Variants in NAV1 observed in about 807,000 individuals in gnomAD.
NAV1 encodes pore membrane and/or filament interacting like protein 3.
Under a neutral mutation model 175.2 loss-of-function variants are expected in NAV1, and 18 were observed. That is an observed-to-expected ratio of 0.10 (90% CI 0.07 to 0.15). The LOEUF (loss-of-function observed/expected upper bound fraction) is 0.15, where lower values mean the gene tolerates loss of function less well. Ranked by LOEUF, NAV1 falls within the 10% of genes least tolerant of loss-of-function variation. The pLI, the probability that NAV1 is intolerant of heterozygous loss-of-function variation, is 1.00. For synonymous variants in NAV1, 897 were observed against 978.7 expected, an observed-to-expected ratio of 0.92 and a Z score of 1.56; for missense variants, 1,731 against 2,436.6, an observed-to-expected ratio of 0.71 and a Z score of 6.10.
At chr1:201,780,976 G>A (rs1335772835) in intron 4 of NAV1, 36 bp from the exon 9 acceptor site, 1 of 1,559,326 alleles carries the variant, frequency 6.4e-7, no homozygotes, top group Admixed American at 1.9e-5. Context: ...CATCTGCATA[G>A]AAGTATCTCA....
intron 3 of NAV1, among the ~76,000 whole-genome samples, chr1:201,777,285 G>T (rs1676017005): frequency 1.3e-5 from 2 of 152,174 alleles, no homozygotes; most frequent in Non-Finnish European, 2.9e-5. Flanking sequence ...CAACTATTCA[G>T]CAGATCCAGA....
intron 2 of NAV1, among the ~76,000 whole-genome samples, chr1:201,604,178 C>A (rs550349508): frequency 6.6e-6 from 1 of 152,302 alleles, no homozygotes; most frequent in African/African-American, 2.4e-5. Flanking sequence ...CCTCAGCCTC[C>A]CGAGTAGCTG....
At chr1:201,769,225 T>C (rs1015144) in intron 3 of NAV1, among the ~76,000 whole-genome samples, 35,978 of 152,106 alleles carry the variant, frequency 0.24, 5,353 homozygotes, top group Non-Finnish European at 0.34. Context: ...AAAATGTTCT[T>C]TTTATTTTGA....
chr1:201,562,190 T>G (rs1269152420), intron 1 of NAV1, among the ~76,000 whole-genome samples: 1 of 149,142 alleles, frequency 6.7e-6, no homozygotes. Flanking sequence ...TTTTTTTTTG[T>G]AGAGACAGCT....
chr1:201,769,188 G>A (rs1056725946), intron 3 of NAV1, among the ~76,000 whole-genome samples: 1 of 152,194 alleles, frequency 6.6e-6, no homozygotes, highest in Non-Finnish European at 1.5e-5. Context: ...TCTAATGACA[G>A]CCTTATCTAA....
chr1:201,818,755 A>T (rs1317207514), intron 29 of NAV1, among the ~76,000 whole-genome samples: 1 of 152,246 alleles, frequency 6.6e-6, no homozygotes, highest in Non-Finnish European at 1.5e-5. Flanking sequence ...AATTTGGCAG[A>T]TTATATTAAA....
intron 2 of NAV1, among the ~76,000 whole-genome samples, chr1:201,608,193 C>T (rs750477782): frequency 4.6e-4 from 70 of 152,220 alleles, no homozygotes; most frequent in Middle Eastern, 3.4e-3. Context: ...GATGAAACAA[C>T]GAAAGCTTAG....
At chr1:201,543,099 A>G (rs963314797) in intron 1 of NAV1, among the ~76,000 whole-genome samples, 1 of 152,180 alleles carries the variant, frequency 6.6e-6, no homozygotes, top group Non-Finnish European at 1.5e-5. Flanking sequence ...CTTTCTTTCC[A>G]ATTTGAATGA....
intron 7 of NAV1, among the ~76,000 whole-genome samples, chr1:201,784,507 CCCTATATGCCAAGGTTATCAAACTA>C (rs1426696424): frequency 3.9e-5 from 6 of 152,046 alleles, no homozygotes; most frequent in Non-Finnish European, 8.8e-5. Context: ...CCTCCCTTCC[CCCTATATGCCAAGGTTATCAAACTA>C]CCTATATGGT....
intron 6 of NAV1, among the ~76,000 whole-genome samples, chr1:201,783,113 C>A (rs1676442442): frequency 6.6e-6 from 1 of 152,188 alleles, no homozygotes; most frequent in Admixed American, 6.5e-5. Context: ...TCAATGCTTA[C>A]CCTGTCTTCA....
chr1:201,619,313 C>T (rs1668090433), upstream of NAV1, among the ~76,000 whole-genome samples: 1 of 152,302 alleles, frequency 6.6e-6, no homozygotes, highest in African/African-American at 2.4e-5. Flanking sequence ...AGTCAAGGGG[C>T]TGGGAGCCCA....
chr1:201,816,606 CT>C (rs761715339), intron 28 of NAV1, among the ~76,000 whole-genome samples: 18 of 150,650 alleles, frequency 1.2e-4, no homozygotes, highest in Non-Finnish European at 2.1e-4. Flanking sequence ...AACTTATTTC[CT>C]TGTTTGGAAA....
intron 2 of NAV1, among the ~76,000 whole-genome samples, chr1:201,613,983 A>G (rs1278753617): frequency 6.6e-6 from 1 of 151,132 alleles, no homozygotes; most frequent in African/African-American, 2.4e-5. Flanking sequence ...CAGGACCACA[A>G]AGCAGGAAGC....
At chr1:201,648,929 G>A (rs1323073255) in exon 1 of NAV1, 3 of 1,612,912 alleles carry the variant, frequency 1.9e-6, no homozygotes, top group Middle Eastern at 1.6e-4. Context: ...ACCTGCGCAA[G>A]CAGAAGTCAC....
intron 1 of NAV1, among the ~76,000 whole-genome samples, chr1:201,578,391 G>A (rs1666753333): frequency 6.6e-6 from 1 of 152,316 alleles, no homozygotes; most frequent in African/African-American, 2.4e-5. Flanking sequence ...AGGGGTAGGA[G>A]TTCCAGCTCC....
intron 2 of NAV1, 66 bp downstream of exon 6, chr1:201,712,985 G>T: frequency 3.9e-6 from 5 of 1,298,378 alleles, no homozygotes; most frequent in Admixed American, 3.4e-5. Context: ...ATTCTGGAGG[G>T]CAGGGCCCCC....
intron 1 of NAV1, among the ~76,000 whole-genome samples, chr1:201,551,212 G>T (rs1242270561): frequency 6.6e-6 from 1 of 152,148 alleles, no homozygotes; most frequent in Non-Finnish European, 1.5e-5. Context: ...TAGCAGAAGG[G>T]GCCAGTGGAC....
At chr1:201,608,100 G>T (rs1314325562) in intron 2 of NAV1, among the ~76,000 whole-genome samples, 1 of 152,104 alleles carries the variant, frequency 6.6e-6, no homozygotes, top group Admixed American at 6.5e-5. Context: ...GACTTACCAT[G>T]TGCTACTGTA....
At chr1:201,604,365 A>G (rs975535920) in intron 2 of NAV1, among the ~76,000 whole-genome samples, 2 of 152,086 alleles carry the variant, frequency 1.3e-5, no homozygotes, top group Non-Finnish European at 2.9e-5. Context: ...TACTATTCCT[A>G]TTTTATAGAT....
Sources: gnomAD v4.1 joint callset for allele counts (sites outside exome capture counted in the v4.1 genomes callset) on GRCh38, gnomAD v4.1.1 for gene constraint, MANE v1.5 for transcripts, NCBI Gene and HGNC (gene_info 2026-07-23, HGNC 2026-07-21) for gene names.